CD82: variants seen among roughly 807,000 people sequenced by gnomAD.
The protein encoded by CD82 is CD82 antigen.
Under a neutral mutation model 37.4 loss-of-function variants are expected in CD82, and 36 were observed. That is an observed-to-expected ratio of 0.96 (90% CI 0.74 to 1.27). The LOEUF is 1.27. Among genes scored for constraint, CD82 ranks in the 50% most tolerant of loss-of-function variants. The pLI is 0.00. For missense variants in CD82, 340 were observed against 347.0 expected (o/e 0.98, Z 0.16); for synonymous variants, 158 against 137.4 (o/e 1.15, Z -1.05).
chr11:44,611,117 G>A (rs1451270560), intron 6 of CD82, among the ~76,000 whole-genome samples: 1 of 152,168 alleles, frequency 6.6e-6, no homozygotes, highest in African/African-American at 2.4e-5. Flanking sequence ...TTACACGTGT[G>A]AGCCACCACG....
intron 1 of CD82, among the ~76,000 whole-genome samples, chr11:44,584,850 C>CG (rs1318988232): frequency 6.6e-6 from 1 of 152,186 alleles, no homozygotes; most frequent in Non-Finnish European, 1.5e-5. Flanking sequence ...AGCCTCTTCC[C>CG]GTGGGTGATC....
chr11:44,598,400 A>ATTTTCTTTTTTTTTTTTTTTTTTT (rs1853258730), intron 3 of CD82, among the ~76,000 whole-genome samples: 1 of 58,880 alleles, frequency 1.7e-5, no homozygotes, highest in African/African-American at 6.5e-5. Context: ...TTTGGCCTTA[A>ATTTTCTTTTTTTTTTTTTTTTTTT]TTTTTTTTTT....
intron 4 of CD82, among the ~76,000 whole-genome samples, chr11:44,604,063 G>A (rs773743610): frequency 1.2e-4 from 19 of 152,208 alleles, no homozygotes; most frequent in South Asian, 2.1e-4. Context: ...GCTGGCCTTC[G>A]TCGACCCATT....
chr11:44,579,017 C>A (rs1002577669), intron 1 of CD82, among the ~76,000 whole-genome samples: 1 of 152,160 alleles, frequency 6.6e-6, no homozygotes, highest in African/African-American at 2.4e-5. Context: ...AGGTCAGGTC[C>A]CTTCTGTCTG....
intron 9 of CD82, 144 bp from the exon 10 acceptor site, chr11:44,618,905 C>T (rs1003635058): frequency 2.2e-5 from 19 of 847,050 alleles, no homozygotes; most frequent in African/African-American, 1.7e-5. Context: ...CGCTCTGGGC[C>T]TCCCTCTGCT....
intron 1 of CD82, among the ~76,000 whole-genome samples, chr11:44,581,989 G>A (rs1852985997): frequency 1.3e-5 from 2 of 152,244 alleles, no homozygotes; most frequent in African/African-American, 4.8e-5. Flanking sequence ...CCAAGGCTTT[G>A]CCCCTTTAAC....
At chr11:44,616,883 T>A (rs1853572160) in intron 7 of CD82, among the ~76,000 whole-genome samples, 1 of 152,192 alleles carries the variant, frequency 6.6e-6, no homozygotes, top group Non-Finnish European at 1.5e-5. Context: ...TTTGCTCTGG[T>A]GTAGGATGGC....
At chr11:44,564,918 T>C (rs1426852557), upstream of CD82, among the ~76,000 whole-genome samples, 1 of 152,160 alleles carries the variant, frequency 6.6e-6, no homozygotes, top group Non-Finnish European at 1.5e-5. Context: ...AGAGTACCCA[T>C]GAGTTGTGGG....
intron 2 of CD82, among the ~76,000 whole-genome samples, chr11:44,590,084 C>T (rs1200908691): frequency 6.6e-6 from 1 of 151,710 alleles, no homozygotes; most frequent in Non-Finnish European, 1.5e-5. Context: ...CTGCCTGCCT[C>T]AGCCTCCCAA....
intron 3 of CD82, among the ~76,000 whole-genome samples, chr11:44,599,629 C>G (rs1426393624): frequency 6.6e-6 from 1 of 152,228 alleles, no homozygotes; most frequent in African/African-American, 2.4e-5. Flanking sequence ...GTCGGAATGA[C>G]TGTTAAGAAG....
At chr11:44,612,622 A>ATTTT (rs1853500458) in intron 6 of CD82, among the ~76,000 whole-genome samples, 1 of 65,388 alleles carries the variant, frequency 1.5e-5, no homozygotes. Flanking sequence ...TCCCAGCATT[A>ATTTT]ATTTTTTTTT....
rs2303863 is a variant in CD82 at position 44,618,371 on chromosome 11, C to G, written c.642+6C>G. On this transcript the variant is annotated splice_donor_region_variant and intron_variant, in intron 8 of 9. Coordinates refer to ENST00000227155, the MANE Select transcript of CD82 (RefSeq NM_002231.4). ...ACTGGCCTGTGTACCAGGAGGTGTG[C>G]GGGGGGCTGCGGATCGGGGGCGGGG... The G allele has an allele frequency of 1.1e-5, 17 of 1,610,734 alleles. No individual in the cohort carries two copies. Among genetic ancestry groups the G allele is most frequent in the African/African-American group, 6.7e-5 (5 of 74,776 alleles).
At chr11:44,576,096 C>T (rs1028434818) in intron 1 of CD82, among the ~76,000 whole-genome samples, 4 of 152,224 alleles carry the variant, frequency 2.6e-5, no homozygotes, top group Non-Finnish European at 4.4e-5. Context: ...CTGACTGACA[C>T]TTCAGTAACG....
At chr11:44,612,356 G>A (rs1010789739) in intron 6 of CD82, among the ~76,000 whole-genome samples, 3 of 152,170 alleles carry the variant, frequency 2.0e-5, no homozygotes, top group Non-Finnish European at 2.9e-5. Context: ...TATAATGAGG[G>A]AATGGGGTGA....
Position 44,618,657 on chromosome 11 carries a change from G to A in CD82, c.660G>A (p.Val220=), listed in dbSNP as rs542337864. The change falls in exon 9 of 10, where the codon GTG becomes GTA. Residue 220 remains valine (V), a synonymous_variant. Coordinates refer to ENST00000227155, the MANE Select transcript of CD82 (RefSeq NM_002231.4). ...PVYQEGCMEK[V]QAWLQENLGI... is the part of the protein sequence containing the mutation. ...CCTTGCAGGGCTGCATGGAGAAGGT[G>A]CAGGCGTGGCTGCAGGAGAACCTGG... 3.1e-6 allele frequency: 5 copies of A among 1,612,474 alleles called. No individual in the cohort carries two copies. The highest frequency in any genetic ancestry group is 4.5e-5 in the East Asian group (2 of 44,850).
At chr11:44,568,869 T>G (rs1232597516) in intron 1 of CD82, among the ~76,000 whole-genome samples, 1 of 152,050 alleles carries the variant, frequency 6.6e-6, no homozygotes, top group Non-Finnish European at 1.5e-5. Context: ...AAGTTCTGAG[T>G]GTTGTTTCAG....
At chr11:44,599,786 CCTTT>C (rs750819140) in intron 3 of CD82, among the ~76,000 whole-genome samples, 34 of 152,252 alleles carry the variant, frequency 2.2e-4, no homozygotes, top group Non-Finnish European at 4.6e-4. Context: ...CTCCTCAGAG[CCTTT>C]CTTGTTTGGG....
intron 4 of CD82, among the ~76,000 whole-genome samples, chr11:44,601,841 C>T (rs1256210355): frequency 1.3e-5 from 2 of 152,186 alleles, no homozygotes; most frequent in Admixed American, 6.6e-5. Flanking sequence ...GGTGGATTCC[C>T]CAGGCAGCCA....
intron 5 of CD82, 32 bp downstream of exon 5, chr11:44,605,214 C>G: frequency 6.2e-7 from 1 of 1,608,846 alleles, no homozygotes; most frequent in Non-Finnish European, 8.5e-7. Context: ...GCTGCCTGCC[C>G]ATTTCCTCTC....
Sources: gnomAD v4.1 joint callset for allele counts (sites outside exome capture counted in the v4.1 genomes callset) on GRCh38, gnomAD v4.1.1 for gene constraint, MANE v1.5 for transcripts, NCBI Gene and HGNC (gene_info 2026-07-23, HGNC 2026-07-21) for gene names.